Variants in HOOK3 observed in about 807,000 individuals in gnomAD.
The protein encoded by HOOK3 is protein Hook homolog 3.
Under a neutral mutation model 116.3 loss-of-function variants are expected in HOOK3, and 24 were observed. The ratio of observed to expected loss-of-function variants is 0.21; its 90% CI spans 0.15 to 0.29. HOOK3 has a LOEUF of 0.29. Ranked by LOEUF, HOOK3 falls within the 10% of genes least tolerant of loss-of-function variation. The pLI is 1.00. For missense variants in HOOK3, 632 were observed against 830.2 expected (o/e 0.76, Z 2.93); for synonymous variants, 275 against 283.0 (o/e 0.97, Z 0.28).
intron 14 of HOOK3, among the ~76,000 whole-genome samples, chr8:42,983,097 G>A (rs1469455716): frequency 6.6e-6 from 1 of 152,176 alleles, no homozygotes; most frequent in Non-Finnish European, 1.5e-5. Flanking sequence ...CACTTTGTGA[G>A]GCTGAGGCGG....
At chr8:42,923,766 C>T (rs1807708135) in intron 2 of HOOK3, among the ~76,000 whole-genome samples, 1 of 152,150 alleles carries the variant, frequency 6.6e-6, no homozygotes, top group African/African-American at 2.4e-5. Flanking sequence ...TCTGGCTATA[C>T]TAAAATGCAT....
chr8:42,939,826 G>A (rs560239777), intron 4 of HOOK3, among the ~76,000 whole-genome samples: 11 of 149,356 alleles, frequency 7.4e-5, no homozygotes, highest in African/African-American at 1.2e-4. Flanking sequence ...GGGCAGAGAC[G>A]CTCCTCACAT....
intron 9 of HOOK3, among the ~76,000 whole-genome samples, chr8:42,964,915 C>G (rs1808604982): frequency 6.6e-6 from 1 of 152,210 alleles, no homozygotes; most frequent in Non-Finnish European, 1.5e-5. Context: ...TCAGAATCTC[C>G]TCACACAACA....
At chr8:42,958,596 GTTTTTTTTTTTT>G (rs71550434) in intron 7 of HOOK3, among the ~76,000 whole-genome samples, 2 of 106,370 alleles carry the variant, frequency 1.9e-5, no homozygotes, top group Non-Finnish European at 3.9e-5. Flanking sequence ...GTTTTTGATA[GTTTTTTTTTTTT>G]TTTTTTTTTT....
Position 43,018,414 on chromosome 8 carries a change from G to A in HOOK3, c.2073G>A (p.Gly691=), listed in dbSNP as rs1374569941. The change falls in exon 22 of 22, where the codon GGG becomes GGA. Residue 691 remains glycine (G), a synonymous_variant. Coordinates refer to ENST00000307602, the MANE Select transcript of HOOK3 (RefSeq NM_032410.4). The part of the protein sequence containing the change: ...AEDRLASTGS[G]QSFLARQRQA... Reference sequence around the variant, plus strand: ...ATAGACTGGCAAGCACAGGCTCAGGGCAGTCATTTCTGGCGAGGCAGAGGC... The same window carrying A: ...ATAGACTGGCAAGCACAGGCTCAGGACAGTCATTTCTGGCGAGGCAGAGGC... The A allele has an allele frequency of 1.9e-6, 3 of 1,613,802 alleles. No individual in the cohort carries two copies. Among genetic ancestry groups the A allele is most frequent in the Admixed American group, 1.7e-5 (1 of 59,846 alleles).
intron 13 of HOOK3, among the ~76,000 whole-genome samples, chr8:42,981,883 CAAAA>C (rs11348838): frequency 2.8e-5 from 3 of 108,116 alleles, no homozygotes; most frequent in Admixed American, 9.5e-5. Flanking sequence ...GACTCTGTCT[CAAAA>C]AAAAAAAAAA....
chr8:42,972,669 G>C (rs1406941884), intron 11 of HOOK3, among the ~76,000 whole-genome samples: 1 of 152,106 alleles, frequency 6.6e-6, no homozygotes, highest in Non-Finnish European at 1.5e-5. Flanking sequence ...CAAAGTGCTG[G>C]GATTACAGGC....
intron 7 of HOOK3, among the ~76,000 whole-genome samples, chr8:42,958,417 T>C (rs928087854): frequency 2.0e-5 from 3 of 152,098 alleles, no homozygotes; most frequent in African/African-American, 7.2e-5. Flanking sequence ...TTAGAGTTTA[T>C]ATAGTAATGA....
intron 18 of HOOK3, among the ~76,000 whole-genome samples, chr8:43,009,803 T>C (rs1472742574): frequency 6.6e-6 from 1 of 152,206 alleles, no homozygotes; most frequent in Non-Finnish European, 1.5e-5. Flanking sequence ...TCTCTATCAT[T>C]AAACAATAAC....
intron 15 of HOOK3, chr8:42,994,418 C>G (rs906923257): frequency 7.3e-6 from 3 of 410,982 alleles, no homozygotes; most frequent in Middle Eastern, 6.7e-4. Context: ...TGAAGGTTTT[C>G]TCTTTTTTGA....
At chr8:42,916,787 T>C (rs981518147) in intron 2 of HOOK3, among the ~76,000 whole-genome samples, 1 of 152,158 alleles carries the variant, frequency 6.6e-6, no homozygotes, top group Non-Finnish European at 1.5e-5. Flanking sequence ...ACCCCCCTTT[T>C]CTGAAACCTT....
intron 15 of HOOK3, among the ~76,000 whole-genome samples, chr8:42,988,099 A>T (rs1031791746): frequency 1.3e-5 from 2 of 152,224 alleles, no homozygotes; most frequent in Non-Finnish European, 2.9e-5. Flanking sequence ...AGTGTAAATC[A>T]GTATAAATGC....
In HOOK3 at chr8:43,026,028, C is replaced by G. The variant is rs1408204935; in HGVS notation, c.*7530C>G. 1 of 210,486 alleles carries G rather than the reference C, an allele frequency of 4.8e-6. No individual in the cohort carries two copies. Among genetic ancestry groups the G allele is most frequent in the Non-Finnish European group, 9.6e-6 (1 of 103,796 alleles). The allele number at this position is 210,486 out of a possible 1,614,324, so 13.0% of individuals were successfully genotyped here. On this transcript the variant is annotated 3_prime_UTR_variant, in exon 22 of 22. Coordinates refer to ENST00000307602, the MANE Select transcript of HOOK3 (RefSeq NM_032410.4). The stretch of plus-strand genomic sequence containing the variant: ...TTAGGTATCATGAGAAAAGCAACTC[C>G]TACTTGAGAGAAAGAAGACTACCAA...
At position 43,020,715 on chromosome 8, in the gene HOOK3, ATCAG is replaced by A. The variant is rs1482430355; in HGVS notation, c.*2221_*2224del. The A allele has an allele frequency of 5.6e-6, 1 of 177,198 alleles. No homozygotes were observed. Among genetic ancestry groups the A allele is most frequent in the Non-Finnish European group, 1.2e-5 (1 of 82,492 alleles). The allele number at this position is 177,198 out of a possible 1,614,324, so 11.0% of individuals were successfully genotyped here. On this transcript the variant is annotated 3_prime_UTR_variant, in exon 22 of 22. Transcript: ENST00000307602. ...GGCGACAGAGTGAGACTCTGTCTCAATCAGTCAATCAATCAATCAATCAAATTGG... is the reference window on the plus strand; with the variant it reads ...GGCGACAGAGTGAGACTCTGTCTCAATCAATCAATCAATCAATCAAATTGG...
intron 2 of HOOK3, among the ~76,000 whole-genome samples, chr8:42,915,409 G>A (rs1321933856): frequency 3.9e-5 from 6 of 152,024 alleles, no homozygotes; most frequent in African/African-American, 1.4e-4. Flanking sequence ...CAGGGCTACC[G>A]TGATGTAGAT....
At chr8:42,957,579 G>A (rs988507530) in intron 7 of HOOK3, among the ~76,000 whole-genome samples, 3 of 151,864 alleles carry the variant, frequency 2.0e-5, no homozygotes, top group Non-Finnish European at 4.4e-5. Context: ...TCATTTTCTT[G>A]GAAAATGACA....
chr8:42,915,314 C>T (rs530650150), intron 2 of HOOK3, among the ~76,000 whole-genome samples: 22 of 151,828 alleles, frequency 1.4e-4, no homozygotes, highest in East Asian at 3.9e-4. Context: ...GTCTCAAAGT[C>T]GGATTGTGTT....
intron 15 of HOOK3, among the ~76,000 whole-genome samples, chr8:42,987,825 T>C (rs1285297780): frequency 6.6e-6 from 1 of 152,138 alleles, no homozygotes; most frequent in Non-Finnish European, 1.5e-5. Flanking sequence ...AACATACAGT[T>C]TTTTTTTCTT....
At chr8:42,897,448 G>C (rs1807031609) in intron 1 of HOOK3, among the ~76,000 whole-genome samples, 1 of 152,104 alleles carries the variant, frequency 6.6e-6, no homozygotes, top group Non-Finnish European at 1.5e-5. Flanking sequence ...GCTGCTCGCA[G>C]CTGGGGCTGC....
Sources: allele counts gnomAD v4.1 joint callset (sites outside exome capture counted in the v4.1 genomes callset), GRCh38; gene constraint gnomAD v4.1.1; transcripts MANE v1.5; gene names NCBI Gene and HGNC (gene_info 2026-07-23, HGNC 2026-07-21).